The following FAAH2 variants were observed in gnomAD, a reference collection of about 807,000 sequenced individuals.
FAAH2 encodes fatty-acid amide hydrolase 2.
Under a neutral mutation model 36.9 loss-of-function variants are expected in FAAH2, and 60 were observed. The ratio of observed to expected loss-of-function variants is 1.63; its 90% CI spans 1.32 to 2.02. The LOEUF (loss-of-function observed/expected upper bound fraction) is 2.02. Among genes scored for constraint, FAAH2 ranks in the 30% most tolerant of loss-of-function variants. The probability of loss-of-function intolerance (pLI) is 0.00; values close to 1 mark genes in which losing one functional copy is unlikely to be tolerated. For missense variants in FAAH2, 689 were observed against 397.5 expected, an observed-to-expected ratio of 1.73 and a Z score of -6.23; for synonymous variants, 214 against 143.8, an observed-to-expected ratio of 1.49 and a Z score of -3.49.
rs778332558 is a variant in FAAH2 at position 57,310,806 on chromosome X, G to T, written c.412+77G>T. The T allele has an allele frequency of 3.4e-4, 358 of 1,059,847 alleles. 1 individual carries two copies. Among genetic ancestry groups the T allele is most frequent in the Non-Finnish European group, 4.3e-4 (344 of 794,126 alleles). 87.3% of individuals were successfully genotyped at this position (1,059,847 alleles called of 1,213,427 possible). On this transcript the variant is annotated intron_variant, in intron 3 of 10. Coordinates refer to ENST00000374900, the MANE Select transcript of FAAH2 (RefSeq NM_174912.4). Reference sequence around the variant, plus strand: ...TTTTCTAAACTTATAAACTAAAAAGGATGGTATAAAAGTGAAGGACAAACT... The same window carrying T: ...TTTTCTAAACTTATAAACTAAAAAGTATGGTATAAAAGTGAAGGACAAACT...
In FAAH2 at chrX:57,454,946, A is replaced by G. The variant is rs537589783; in HGVS notation, c.1423+6228A>G. Among the ~76,000 whole-genome samples, 82 of 111,321 alleles carry G rather than the reference A, an allele frequency of 7.4e-4. 1 individual carries two copies. In the South Asian group the frequency reaches 0.031, roughly 42 times the overall value. ...GAGGACATACAAATTCAATAAATACACAAACCCCCTGTAGATACTACACAA... is the reference window on the plus strand; with the variant it reads ...GAGGACATACAAATTCAATAAATACGCAAACCCCCTGTAGATACTACACAA... On this transcript the variant is annotated intron_variant, in intron 10 of 10. Coordinates refer to ENST00000374900, the MANE Select transcript of FAAH2 (RefSeq NM_174912.4).
intron 1 of FAAH2, chrX:57,290,245 C>G: frequency 1.4e-6 from 1 of 735,734 alleles, no homozygotes; most frequent in Non-Finnish European, 1.6e-6. Flanking sequence ...AACTCAATTA[C>G]GGTAGCAGTG....
At chrX:57,177,577 A>T in the FAAH2 span, among the ~76,000 whole-genome samples, 1 of 34,790 alleles carries the variant, frequency 2.9e-5, no homozygotes, top group Admixed American at 4.9e-4. Flanking sequence ...TCAAAATTTA[A>T]ATATATATAT....
intron 8 of FAAH2, among the ~76,000 whole-genome samples, chrX:57,432,845 C>T (rs947008932): frequency 3.6e-5 from 4 of 110,792 alleles, no homozygotes; most frequent in Admixed American, 9.7e-5. Flanking sequence ...TTTACTCATA[C>T]GTAAAATTAA....
intron 10 of FAAH2, among the ~76,000 whole-genome samples, chrX:57,488,177 C>T (rs1219365251): frequency 9.0e-6 from 1 of 111,334 alleles, no homozygotes; most frequent in Non-Finnish European, 1.9e-5. Flanking sequence ...AATTTATTAG[C>T]AATCATTAAA....
At chrX:57,311,832 AG>A (rs770900073) in intron 3 of FAAH2, among the ~76,000 whole-genome samples, 32 of 112,222 alleles carry the variant, frequency 2.9e-4, no homozygotes, top group African/African-American at 9.7e-4. Flanking sequence ...CCCCTAGCAC[AG>A]GCAGAACTGA....
chrX:57,139,644 C>T, the FAAH2 span, among the ~76,000 whole-genome samples: 3 of 110,879 alleles, frequency 2.7e-5, no homozygotes, highest in Non-Finnish European at 3.8e-5. Context: ...TTAGTAGAGA[C>T]GGGGTTTCAG....
At chrX:57,301,235 G>A (rs2052353258) in intron 2 of FAAH2, among the ~76,000 whole-genome samples, 1 of 110,177 alleles carries the variant, frequency 9.1e-6, no homozygotes, top group Non-Finnish European at 1.9e-5. Context: ...ATGATAGACT[G>A]GATTGAGAAA....
chrX:57,130,074 A>T, the FAAH2 span, among the ~76,000 whole-genome samples: 20 of 112,512 alleles, frequency 1.8e-4, no homozygotes, highest in Admixed American at 1.4e-3. Context: ...GAGGACACAA[A>T]TCATTGTAAA....
At chrX:57,163,806 A>G in the FAAH2 span, among the ~76,000 whole-genome samples, 1 of 112,482 alleles carries the variant, frequency 8.9e-6, no homozygotes, top group South Asian at 3.7e-4. Context: ...ATGGAAATGC[A>G]GAAATCACCC....
chrX:57,469,185 A>T lies in FAAH2; in HGVS notation c.1424-19572A>T, dbSNP rs762265570. Among the ~76,000 whole-genome samples, 32 of 112,302 alleles carry T rather than the reference A, an allele frequency of 2.8e-4. No individual in the cohort carries two copies. The East Asian group carries it at 8.4e-3, about 30-fold the overall frequency. On this transcript the variant is annotated intron_variant, in intron 10 of 10. Transcript: ENST00000374900. ...ACCTTCAAAGCTAGGAAGAAACTGC[A>T]TCAACTAACGAGCAAAATAACCAGC...
chrX:57,185,128 A>T, the FAAH2 span, among the ~76,000 whole-genome samples: 1 of 111,076 alleles, frequency 9.0e-6, no homozygotes, highest in Admixed American at 9.7e-5. Context: ...CAATAAAATT[A>T]TTAATAACTA....
the FAAH2 span, chrX:57,127,258 G>A: frequency 9.0e-6 from 1 of 111,063 alleles, no homozygotes; most frequent in Non-Finnish European, 1.9e-5. Context: ...CAGGAAATGG[G>A]ACCTTACTTC....
At chrX:57,364,732 A>C (rs2054371653) in intron 5 of FAAH2, among the ~76,000 whole-genome samples, 1 of 110,477 alleles carries the variant, frequency 9.1e-6, no homozygotes, top group Admixed American at 9.7e-5. Context: ...CCTGTGTCCC[A>C]AGATGCTGGT....
chrX:57,313,460 A>AAAAT lies in FAAH2; in HGVS notation c.412+2753_412+2756dup, dbSNP rs753481309. Among the ~76,000 whole-genome samples the AAAAT allele has an allele frequency of 9.1e-3, 1,004 of 109,801 alleles. 42 individuals carry two copies. The highest frequency in any genetic ancestry group is 0.073 in the Admixed American group (738 of 10,053). On this transcript the variant is annotated intron_variant, in intron 3 of 10. Coordinates refer to ENST00000374900, the MANE Select transcript of FAAH2 (RefSeq NM_174912.4). ...AATCAGATTCACCAAGGTCAATACA[A>AAAAT]AAATAAATAAATAAATAAATAAATA...
rs747930670 is a variant in FAAH2 at position 57,432,130 on chromosome X, G to C, written c.1116+93G>C. 2.4e-4 allele frequency: 182 copies of C among 760,517 alleles called. 1 individual carries two copies. In the African/African-American group the frequency reaches 3.2e-3, roughly 13 times the overall value. The allele number at this position is 760,517 out of a possible 1,213,427, so 62.7% of individuals were successfully genotyped here. A position where few individuals can be genotyped will look rare whatever the true frequency, so the allele number is the denominator to read the frequency against. Reference sequence around the variant, plus strand: ...CCATATGTTAGAGGTGTAGAGAAAAGAAACTCATGAAAAAAATAAGTAAAA... The same window carrying C: ...CCATATGTTAGAGGTGTAGAGAAAACAAACTCATGAAAAAAATAAGTAAAA... On this transcript the variant is annotated intron_variant, in intron 8 of 10. Transcript: ENST00000374900.
the FAAH2 span, among the ~76,000 whole-genome samples, chrX:57,229,597 A>T: frequency 8.9e-6 from 1 of 112,024 alleles, no homozygotes; most frequent in Non-Finnish European, 1.9e-5. Context: ...GATCAATAGA[A>T]TACCTGGAAG....
intron 3 of FAAH2, among the ~76,000 whole-genome samples, chrX:57,313,224 C>T (rs917417522): frequency 4.5e-5 from 5 of 110,490 alleles, no homozygotes; most frequent in Non-Finnish European, 7.6e-5. Flanking sequence ...TGAATGAAAC[C>T]TCCAAGAAAT....
chrX:57,205,574 C>T, the FAAH2 span, among the ~76,000 whole-genome samples: 4 of 111,987 alleles, frequency 3.6e-5, no homozygotes, highest in East Asian at 1.1e-3. Flanking sequence ...CAGTCAATAC[C>T]TCAATTACAG....
Sources: gnomAD v4.1 joint callset for allele counts (sites outside exome capture counted in the v4.1 genomes callset) on GRCh38, gnomAD v4.1.1 for gene constraint, MANE v1.5 for transcripts, NCBI Gene and HGNC (gene_info 2026-07-23, HGNC 2026-07-21) for gene names.